The following GIGYF2 variants were observed in gnomAD, a reference collection of about 807,000 sequenced individuals.
The protein encoded by GIGYF2 is GRB10 interacting GYF protein 2.
In GIGYF2, 25 loss-of-function variants were observed where a neutral mutation model predicts 208.1. The observed-to-expected ratio is 0.12, with a 90% confidence interval of 0.09 to 0.17. GIGYF2 has a LOEUF of 0.17. GIGYF2 is among the 10% of genes least tolerant of loss of function. The pLI is 1.00. For synonymous variants in GIGYF2, 534 were observed against 543.8 expected (o/e 0.98, Z 0.25); for missense variants, 1,302 against 1,579.4 (o/e 0.82, Z 2.98).
At chr2:232,754,175 A>G (rs75132628) in intron 5 of GIGYF2, among the ~76,000 whole-genome samples, 4 of 146,450 alleles carry the variant, frequency 2.7e-5, no homozygotes, top group Non-Finnish European at 6.0e-5. Flanking sequence ...AAAAAAAAGA[A>G]AAAAAAAAAA....
chr2:232,701,492 C>T (rs1482874475), intron 1 of GIGYF2, among the ~76,000 whole-genome samples: 1 of 149,880 alleles, frequency 6.7e-6, no homozygotes, highest in East Asian at 2.1e-4. Context: ...GGCAGCGGTG[C>T]AATCACCACT....
At chr2:232,816,762 C>T in intron 19 of GIGYF2, 109 bp from the exon 20 acceptor site, 1 of 811,166 alleles carries the variant, frequency 1.2e-6, no homozygotes, top group Non-Finnish European at 2.2e-6. Context: ...GGTTGCAGTG[C>T]AGTACGGTAC....
intron 2 of GIGYF2, among the ~76,000 whole-genome samples, chr2:232,709,021 C>T (rs942583812): frequency 4.6e-5 from 7 of 152,076 alleles, no homozygotes; most frequent in Non-Finnish European, 1.0e-4. Context: ...ACGCGGGAGG[C>T]TGTGGCATCA....
chr2:232,798,235 G>A (rs751885487), intron 14 of GIGYF2, among the ~76,000 whole-genome samples: 1 of 152,182 alleles, frequency 6.6e-6, no homozygotes, highest in Non-Finnish European at 1.5e-5. Context: ...GCATATATCA[G>A]TAGCTTGTGT....
At chr2:232,810,464 G>A (rs956742580) in intron 16 of GIGYF2, 2 of 153,268 alleles carry the variant, frequency 1.3e-5, no homozygotes, top group African/African-American at 2.4e-5. Context: ...TTTTAGGAGT[G>A]GTGTGGAATG....
intron 21 of GIGYF2, among the ~76,000 whole-genome samples, chr2:232,827,574 C>T (rs1321296256): frequency 6.6e-6 from 1 of 152,170 alleles, no homozygotes; most frequent in Non-Finnish European, 1.5e-5. Context: ...TGGTTGGTAG[C>T]AATAGTCCTC....
chr2:232,768,259 G>C, intron 8 of GIGYF2: 1 of 1,613,950 alleles, frequency 6.2e-7, no homozygotes, highest in Admixed American at 1.7e-5. Flanking sequence ...TGGATATCCA[G>C]GTCAGTCCTG....
At chr2:232,700,126 G>A (rs1039717876) in intron 1 of GIGYF2, among the ~76,000 whole-genome samples, 63 of 152,280 alleles carry the variant, frequency 4.1e-4, no homozygotes, top group South Asian at 6.2e-4. Flanking sequence ...CTTTGGAGTA[G>A]GTTTGCCTCA....
rs560438887 is a variant in GIGYF2 at position 232,821,581 on chromosome 2, A to T, written c.2529+1596A>T. ...TTTAGTTTGGATTCCTTATATTCTC[A>T]GTACATGTCCTTTGTTAGATAAATG... On this transcript the variant is annotated intron_variant, in intron 21 of 28. Coordinates refer to ENST00000373563, the MANE Select transcript of GIGYF2 (RefSeq NM_001103146.3). Among the ~76,000 whole-genome samples, 7 of 152,320 alleles carry T rather than the reference A, an allele frequency of 4.6e-5. No individual in the cohort carries two copies. In the East Asian group the frequency reaches 1.2e-3, roughly 25 times the overall value.
At chr2:232,829,842 T>C (rs2106406003) in intron 21 of GIGYF2, among the ~76,000 whole-genome samples, 1 of 152,288 alleles carries the variant, frequency 6.6e-6, no homozygotes, top group South Asian at 2.1e-4. Context: ...TAAATAAAAA[T>C]CTTACATGTA....
Position 232,697,411 on chromosome 2 carries a change from TCGCTCCCCTGCCCGGCTCTGCTC to T in GIGYF2, c.-110+23_-110+45del, listed in dbSNP as rs1224838109. ...ACCGCAGGTAACCAGCCGTTCCGTG[TCGCTCCCCTGCCCGGCTCTGCTC>T]CGCGCCCCGGCCCCGCCGCCGCGTC... On this transcript the variant is annotated intron_variant, in intron 1 of 28. Coordinates refer to ENST00000373563, the MANE Select transcript of GIGYF2 (RefSeq NM_001103146.3). 1 of 152,544 alleles carries T rather than the reference TCGCTCCCCTGCCCGGCTCTGCTC, an allele frequency of 6.6e-6. No individual in the cohort carries two copies. Among genetic ancestry groups the T allele is most frequent in the Non-Finnish European group, 1.5e-5 (1 of 68,370 alleles). The allele number at this position is 152,544 out of a possible 1,614,324, so 9.4% of individuals were successfully genotyped here.
chr2:232,815,170 G>C (rs1428905992), intron 18 of GIGYF2, among the ~76,000 whole-genome samples: 1 of 152,202 alleles, frequency 6.6e-6, no homozygotes, highest in South Asian at 2.1e-4. Flanking sequence ...GAATACTTCA[G>C]TGGCATTCAC....
At chr2:232,729,276 G>A (rs1412288587) in intron 2 of GIGYF2, among the ~76,000 whole-genome samples, 2 of 152,078 alleles carry the variant, frequency 1.3e-5, no homozygotes, top group African/African-American at 4.8e-5. Context: ...CACTGCATCC[G>A]GCCTCCAGAG....
At chr2:232,805,966 A>G (rs1162765299) in intron 14 of GIGYF2, among the ~76,000 whole-genome samples, 2 of 152,206 alleles carry the variant, frequency 1.3e-5, no homozygotes, top group Non-Finnish European at 2.9e-5. Flanking sequence ...TTATTTATGT[A>G]TATAAAATAC....
At chr2:232,747,862 C>T in intron 4 of GIGYF2, 118 bp downstream of exon 4, 1 of 942,890 alleles carries the variant, frequency 1.1e-6, no homozygotes, top group Non-Finnish European at 1.7e-6. Flanking sequence ...GCCTTTCCAC[C>T]TTAACTGTTT....
intron 15 of GIGYF2, among the ~76,000 whole-genome samples, chr2:232,808,575 G>A (rs543135715): frequency 3.3e-5 from 5 of 151,892 alleles, no homozygotes; most frequent in South Asian, 2.1e-4. Flanking sequence ...CTCCAGTATC[G>A]AAAAGCAAGA....
At position 232,811,238 on chromosome 2, in the gene GIGYF2, T is replaced by G; in HGVS notation, c.1899-6T>G. On this transcript the variant is annotated splice_polypyrimidine_tract_variant and splice_region_variant and intron_variant, in intron 16 of 28. Coordinates refer to ENST00000373563, the MANE Select transcript of GIGYF2 (RefSeq NM_001103146.3). ...CAGGTTATACTTTTTTTTTTACTTTTTGAAGACAACAATATGCACAGGTTT... is the reference window on the plus strand; with the variant it reads ...CAGGTTATACTTTTTTTTTTACTTTGTGAAGACAACAATATGCACAGGTTT... 2.6e-6 allele frequency: 4 copies of G among 1,542,826 alleles called. No homozygotes were observed. Among genetic ancestry groups the G allele is most frequent in the Non-Finnish European group, 3.6e-6 (4 of 1,114,996 alleles).
chr2:232,839,021 C>A (rs1701735660), intron 22 of GIGYF2, among the ~76,000 whole-genome samples: 2 of 152,134 alleles, frequency 1.3e-5, no homozygotes, highest in Non-Finnish European at 1.5e-5. Context: ...TAGGTCCATT[C>A]TTTTGGGGAC....
Position 232,857,307 on chromosome 2 carries a change from G to C in GIGYF2, c.*447G>C, listed in dbSNP as rs1403095837. On this transcript the variant is annotated 3_prime_UTR_variant, in exon 29 of 29. Transcript: ENST00000373563. The stretch of plus-strand genomic sequence containing the variant: ...GGTGCAATCATGAAGAGAGTTAATG[G>C]TTAACAGACATTGGCCAATAACAAA... 1 of 235,372 alleles carries C rather than the reference G, an allele frequency of 4.2e-6. No individual in the cohort carries two copies. The highest frequency in any genetic ancestry group is 1.1e-4 in the East Asian group (1 of 9,106). 14.6% of individuals were successfully genotyped at this position (235,372 alleles called of 1,614,324 possible).
Sources: allele counts gnomAD v4.1 joint callset (sites outside exome capture counted in the v4.1 genomes callset), GRCh38; gene constraint gnomAD v4.1.1; transcripts MANE v1.5; gene names NCBI Gene and HGNC (gene_info 2026-07-23, HGNC 2026-07-21).